The following SYT1 variants were observed in gnomAD, a reference collection of about 807,000 sequenced individuals.
The protein encoded by SYT1 is synaptotagmin-1.
Under a neutral mutation model 44.8 loss-of-function variants are expected in SYT1, and 8 were observed. That is an observed-to-expected ratio of 0.18 (90% CI 0.10 to 0.32). SYT1 has a LOEUF of 0.32. SYT1 is among the 10% of genes least tolerant of loss of function. The probability of loss-of-function intolerance (pLI) is 1.00; values close to 1 mark genes in which losing one functional copy is unlikely to be tolerated. For synonymous variants in SYT1, 154 were observed against 188.8 expected (o/e 0.82, Z 1.51); for missense variants, 286 against 509.3 (o/e 0.56, Z 4.22).
intron 4 of SYT1, among the ~76,000 whole-genome samples, chr12:79,237,101 G>A (rs557337636): frequency 2.0e-5 from 3 of 152,212 alleles, no homozygotes; most frequent in South Asian, 2.1e-4. Context: ...ACTAGCGTGA[G>A]ATAATGAAAG....
At chr12:79,446,015 A>ATATATATATATATATATATATATATATG (rs1565961523) in intron 10 of SYT1, among the ~76,000 whole-genome samples, 1 of 113,606 alleles carries the variant, frequency 8.8e-6, no homozygotes, top group Non-Finnish European at 1.8e-5. Context: ...ATATATATAT[A>ATATATATATATATATATATATATATATG]TATATATATA....
At chr12:79,136,721 TG>T (rs1462351665) in intron 3 of SYT1, among the ~76,000 whole-genome samples, 1 of 152,166 alleles carries the variant, frequency 6.6e-6, no homozygotes, top group Non-Finnish European at 1.5e-5. Flanking sequence ...CTTGCTAAAC[TG>T]AAAAACAATA....
At chr12:78,984,247 G>C (rs1869486849) in intron 2 of SYT1, among the ~76,000 whole-genome samples, 1 of 151,696 alleles carries the variant, frequency 6.6e-6, no homozygotes, top group Non-Finnish European at 1.5e-5. Flanking sequence ...TAATTCCCTG[G>C]ACAATTTATC....
At chr12:78,927,183 A>T (rs1446017658) in intron 1 of SYT1, among the ~76,000 whole-genome samples, 2 of 151,986 alleles carry the variant, frequency 1.3e-5, no homozygotes, top group African/African-American at 4.8e-5. Flanking sequence ...TCCCCACATC[A>T]CCACTCCTCT....
At chr12:78,928,331 C>A (rs1877419272) in intron 1 of SYT1, among the ~76,000 whole-genome samples, 1 of 152,114 alleles carries the variant, frequency 6.6e-6, no homozygotes, top group South Asian at 2.1e-4. Flanking sequence ...TTAACTAAGC[C>A]CTTATCATAC....
intron 3 of SYT1, among the ~76,000 whole-genome samples, chr12:79,193,843 T>G (rs1324914348): frequency 6.6e-6 from 1 of 152,236 alleles, no homozygotes; most frequent in African/African-American, 2.4e-5. Flanking sequence ...TTTTTTATTT[T>G]TAAAATGATT....
intron 1 of SYT1, among the ~76,000 whole-genome samples, chr12:78,904,077 A>G (rs1429771140): frequency 6.6e-6 from 1 of 152,098 alleles, no homozygotes; most frequent in South Asian, 2.1e-4. Flanking sequence ...AACAGTTATT[A>G]GAATCCCCGG....
chr12:79,359,905 C>G (rs1263541948), intron 9 of SYT1, among the ~76,000 whole-genome samples: 3 of 152,098 alleles, frequency 2.0e-5, no homozygotes, highest in Non-Finnish European at 2.9e-5. Flanking sequence ...AGAGGTAGGT[C>G]ATTCCCTCAG....
intron 8 of SYT1, among the ~76,000 whole-genome samples, chr12:79,310,372 C>A (rs577392859): frequency 2.0e-5 from 3 of 152,034 alleles, no homozygotes; most frequent in African/African-American, 7.3e-5. Flanking sequence ...TTCCATTGAT[C>A]TATATCTCTG....
chr12:79,045,453 G>T (rs896359295), intron 2 of SYT1: 1 of 154,740 alleles, frequency 6.5e-6, no homozygotes, highest in Admixed American at 6.5e-5. Flanking sequence ...CTTCCCAAGT[G>T]AGGCAATGCC....
At chr12:78,936,483 G>T (rs1024136689) in intron 1 of SYT1, among the ~76,000 whole-genome samples, 2 of 152,078 alleles carry the variant, frequency 1.3e-5, no homozygotes, top group South Asian at 2.1e-4. Context: ...AATTCTTGTA[G>T]ATTGGCCTTG....
chr12:78,933,094 T>A (rs1877845516), intron 1 of SYT1, among the ~76,000 whole-genome samples: 1 of 152,186 alleles, frequency 6.6e-6, no homozygotes, highest in Admixed American at 6.5e-5. Flanking sequence ...TATTTTTAAC[T>A]TACTCTTCTC....
chr12:79,374,498 C>G (rs1235141510), intron 9 of SYT1, among the ~76,000 whole-genome samples: 3 of 152,128 alleles, frequency 2.0e-5, no homozygotes, highest in Non-Finnish European at 4.4e-5. Context: ...GGTACACATT[C>G]TAACAAATGG....
intron 1 of SYT1, among the ~76,000 whole-genome samples, chr12:78,880,323 G>A (rs767613873): frequency 6.6e-6 from 1 of 151,506 alleles, no homozygotes; most frequent in South Asian, 2.1e-4. Flanking sequence ...CAAACCTTTT[G>A]TGTGTTTACT....
At chr12:79,303,600 T>A (rs1277010158) in intron 8 of SYT1, among the ~76,000 whole-genome samples, 1 of 152,094 alleles carries the variant, frequency 6.6e-6, no homozygotes, top group African/African-American at 2.4e-5. Flanking sequence ...TTAAAACAAG[T>A]TGGAACATAA....
chr12:79,378,193 T>G (rs1201908893), intron 9 of SYT1, among the ~76,000 whole-genome samples: 2 of 152,244 alleles, frequency 1.3e-5, no homozygotes, highest in Non-Finnish European at 2.9e-5. Context: ...TTTGCCTCAC[T>G]AACTGGAAGA....
chr12:79,187,857 C>T (rs1202518063), intron 3 of SYT1, among the ~76,000 whole-genome samples: 1 of 152,108 alleles, frequency 6.6e-6, no homozygotes, highest in Non-Finnish European at 1.5e-5. Flanking sequence ...TACCACAATG[C>T]CCCTGTTCAG....
intron 8 of SYT1, among the ~76,000 whole-genome samples, chr12:79,306,976 A>G (rs1880427506): frequency 6.6e-6 from 1 of 152,262 alleles, no homozygotes; most frequent in African/African-American, 2.4e-5. Context: ...TCTGTCTTCC[A>G]CAGATTTAAA....
At chr12:79,141,340 T>TA (rs2138215767) in intron 3 of SYT1, among the ~76,000 whole-genome samples, 1 of 152,280 alleles carries the variant, frequency 6.6e-6, no homozygotes, top group South Asian at 2.1e-4. Context: ...TCTTCAAAAT[T>TA]ATACTCCTTT....
Sources: allele counts gnomAD v4.1 joint callset (sites outside exome capture counted in the v4.1 genomes callset), GRCh38; gene constraint gnomAD v4.1.1; transcripts MANE v1.5; gene names NCBI Gene and HGNC (gene_info 2026-07-23, HGNC 2026-07-21).